The following VANGL1 variants were observed in gnomAD, a reference collection of about 807,000 sequenced individuals.
VANGL1 encodes the protein vang-like protein 1.
Under a neutral mutation model 48.4 loss-of-function variants are expected in VANGL1, and 18 were observed. The observed-to-expected ratio is 0.37, with a 90% CI of 0.26 to 0.55. The LOEUF is 0.55. Ranked by LOEUF, VANGL1 falls within the 20% of genes least tolerant of loss-of-function variation. The pLI is 0.81. For missense variants in VANGL1, 667 were observed against 675.8 expected, an observed-to-expected ratio of 0.99 and a Z score of 0.14; for synonymous variants, 257 against 261.8, an observed-to-expected ratio of 0.98 and a Z score of 0.18.
chr1:115,691,472 T>C lies in VANGL1; in HGVS notation c.*93T>C. On this transcript the variant is annotated 3_prime_UTR_variant, in exon 8 of 8. Coordinates refer to ENST00000355485, the MANE Select transcript of VANGL1 (RefSeq NM_138959.3). ...GAGGGGTGTCTTTTTTAAAAATTCT[T>C]CTTCATTGCTGACTGAAACTGGCAG... 3 of 1,361,976 alleles carry C rather than the reference T, an allele frequency of 2.2e-6. No homozygotes were observed. Among genetic ancestry groups the C allele is most frequent in the Non-Finnish European group, 3.0e-6 (3 of 1,014,346 alleles). The allele number at this position is 1,361,976 out of a possible 1,614,324, so 84.4% of individuals were successfully genotyped here.
chr1:115,685,180 G>C, intron 6 of VANGL1, 113 bp from the exon 7 acceptor site: 1 of 1,101,694 alleles, frequency 9.1e-7, no homozygotes, highest in Non-Finnish European at 1.4e-6. Context: ...CAGCGTGATT[G>C]GGCCTTGGGT....
intron 4 of VANGL1, among the ~76,000 whole-genome samples, chr1:115,668,332 A>G (rs1367957178): frequency 6.6e-6 from 1 of 152,128 alleles, no homozygotes; most frequent in Non-Finnish European, 1.5e-5. Flanking sequence ...ATCCTGTTTC[A>G]CTTAACACAG....
chr1:115,645,369 A>T (rs1010791508), intron 1 of VANGL1, among the ~76,000 whole-genome samples: 6 of 152,220 alleles, frequency 3.9e-5, no homozygotes, highest in Non-Finnish European at 7.3e-5. Context: ...TACTCTAGTG[A>T]ATACTAGTAG....
chr1:115,655,158 C>T (rs761268706), intron 2 of VANGL1, among the ~76,000 whole-genome samples: 5 of 152,164 alleles, frequency 3.3e-5, no homozygotes, highest in East Asian at 3.9e-4. Flanking sequence ...AGCAGCCAGC[C>T]GGGCCCCAGC....
At chr1:115,667,562 C>T (rs553045362) in intron 4 of VANGL1, among the ~76,000 whole-genome samples, 1 of 152,306 alleles carries the variant, frequency 6.6e-6, no homozygotes, top group East Asian at 1.9e-4. Flanking sequence ...TCCCCAACCC[C>T]CAGGGTAAGG....
chr1:115,678,699 T>C (rs1653261625), intron 4 of VANGL1, among the ~76,000 whole-genome samples: 1 of 152,186 alleles, frequency 6.6e-6, no homozygotes, highest in South Asian at 2.1e-4. Flanking sequence ...CTCACACCTG[T>C]AGTTCCAGAA....
At chr1:115,681,959 T>A (rs1296119873) in intron 4 of VANGL1, among the ~76,000 whole-genome samples, 1 of 152,274 alleles carries the variant, frequency 6.6e-6, no homozygotes, top group East Asian at 1.9e-4. Context: ...TATACTTTGT[T>A]CTTTCACTCA....
chr1:115,648,826 A>C (rs1057321820), intron 1 of VANGL1, among the ~76,000 whole-genome samples: 1 of 152,198 alleles, frequency 6.6e-6, no homozygotes, highest in East Asian at 1.9e-4. Context: ...TTTAGCAAAA[A>C]GTAGCTGGAA....
chr1:115,676,503 C>T (rs886788353), intron 4 of VANGL1, among the ~76,000 whole-genome samples: 3 of 152,214 alleles, frequency 2.0e-5, no homozygotes, highest in South Asian at 4.2e-4. Flanking sequence ...TGGTGGCTAT[C>T]GTTTATGAAT....
intron 4 of VANGL1, among the ~76,000 whole-genome samples, chr1:115,671,606 G>A (rs2101014587): frequency 6.6e-6 from 1 of 152,316 alleles, no homozygotes; most frequent in East Asian, 1.9e-4. Flanking sequence ...CCATGCCTCT[G>A]CTGTTTATCT....
intron 7 of VANGL1, among the ~76,000 whole-genome samples, chr1:115,690,596 TCCA>T (rs930478280): frequency 6.6e-6 from 1 of 152,260 alleles, no homozygotes; most frequent in Non-Finnish European, 1.5e-5. Context: ...TGTCATTGCG[TCCA>T]CTAATAGAGA....
rs539171445 is a variant in VANGL1, at chr1:115,689,561, G to A, written c.1315-1558G>A. On this transcript the variant is annotated intron_variant, in intron 7 of 7. Transcript: ENST00000355485. Reference sequence around the variant, plus strand: ...CTGAGGCAGGAGAATTGCTTGAAACGGGAGGCGGAGGTTGCAGTGAGCTGA... The same window carrying A: ...CTGAGGCAGGAGAATTGCTTGAAACAGGAGGCGGAGGTTGCAGTGAGCTGA... Among the ~76,000 whole-genome samples the A allele has an allele frequency of 9.5e-5, 13 of 136,550 alleles. 2 individuals are homozygous for A. Among genetic ancestry groups the A allele is most frequent in the African/African-American group, 2.8e-4 (10 of 36,270 alleles). The allele number at this position is 136,550 out of a possible 152,430, so 89.6% of individuals were successfully genotyped here.
chr1:115,685,621 T>C, intron 7 of VANGL1, 94 bp downstream of exon 7: 1 of 1,234,334 alleles, frequency 8.1e-7, no homozygotes, highest in Non-Finnish European at 1.2e-6. Flanking sequence ...AGTGATAAAA[T>C]CGAAAGGCAT....
intron 7 of VANGL1, among the ~76,000 whole-genome samples, chr1:115,690,703 C>T (rs1186912778): frequency 1.3e-5 from 2 of 152,220 alleles, no homozygotes; most frequent in Non-Finnish European, 2.9e-5. Flanking sequence ...CCTGACTGCT[C>T]CTTTGGGCCC....
chr1:115,651,522 G>A (rs753604042), intron 2 of VANGL1, 38 bp downstream of exon 2: 13 of 1,593,862 alleles, frequency 8.2e-6, no homozygotes, highest in South Asian at 2.2e-5. Context: ...TTCCTTTTGG[G>A]GAAACCTACA....
At chr1:115,658,970 CACAT>C (rs1449450211) in intron 2 of VANGL1, among the ~76,000 whole-genome samples, 2 of 151,918 alleles carry the variant, frequency 1.3e-5, no homozygotes, top group African/African-American at 4.8e-5. Context: ...CAAACACACA[CACAT>C]CCACCCACAC....
rs1553190236 is a variant in VANGL1 at position 115,687,987 on chromosome 1, TAGAC to T, written c.1314+2462_1314+2465del. Among the ~76,000 whole-genome samples the T allele has an allele frequency of 2.3e-5, 3 of 129,264 alleles. 1 individual carries two copies. Among genetic ancestry groups the T allele is most frequent in the East Asian group, 4.3e-4 (2 of 4,686 alleles). 84.8% of individuals were successfully genotyped at this position (129,264 alleles called of 152,430 possible). A position where few individuals can be genotyped will look rare whatever the true frequency, so the allele number is the denominator to read the frequency against. On this transcript the variant is annotated intron_variant, in intron 7 of 7. Coordinates refer to ENST00000355485, the MANE Select transcript of VANGL1 (RefSeq NM_138959.3). ...ATAGATAGATAGATAGATAGATAGA[TAGAC>T]ACATAGATAGATACATAGATAGATA...
At chr1:115,645,489 C>A (rs1651879937) in intron 1 of VANGL1, among the ~76,000 whole-genome samples, 1 of 152,098 alleles carries the variant, frequency 6.6e-6, no homozygotes, top group Admixed American at 6.6e-5. Context: ...AAAATAAAAT[C>A]TGTTGTTACA....
rs869142756 is a variant in VANGL1, at chr1:115,654,498, TAAAAAAAA to T, written c.71+3031_71+3038del. 9.9e-5 allele frequency among the ~76,000 whole-genome samples: 9 copies of T among 90,804 alleles called. No individual in the cohort carries two copies. The East Asian group carries it at 2.7e-3, about 28-fold the overall frequency. The allele number at this position is 90,804 out of a possible 152,430, so 59.6% of individuals were successfully genotyped here. ...GTATTGACAAGGGAATTGGTAGGGC[TAAAAAAAA>T]AAAAAAAAAAAAAAAATTGGTATTT... On this transcript the variant is annotated intron_variant, in intron 2 of 7. Coordinates refer to ENST00000355485, the MANE Select transcript of VANGL1 (RefSeq NM_138959.3).
Sources: allele counts gnomAD v4.1 joint callset (sites outside exome capture counted in the v4.1 genomes callset), GRCh38; gene constraint gnomAD v4.1.1; transcripts MANE v1.5; gene names NCBI Gene and HGNC (gene_info 2026-07-23, HGNC 2026-07-21).